The following SORCS3 variants were observed in gnomAD, a reference collection of about 807,000 sequenced individuals.
SORCS3 encodes VPS10 domain-containing receptor SorCS3.
Under a neutral mutation model 146.3 loss-of-function variants are expected in SORCS3, and 57 were observed. That is an observed-to-expected ratio of 0.39 (90% CI 0.31 to 0.49). SORCS3 has a LOEUF of 0.49. Among genes scored for constraint, SORCS3 ranks in the 20% least tolerant of loss-of-function variants. SORCS3 has a pLI of 0.92. For synonymous variants in SORCS3, 653 were observed against 618.5 expected (o/e 1.06, Z -0.83); for missense variants, 1,341 against 1,575.5 (o/e 0.85, Z 2.52).
chr10:104,724,670 C>T (rs1244605317), intron 1 of SORCS3, among the ~76,000 whole-genome samples: 1 of 152,114 alleles, frequency 6.6e-6, no homozygotes, highest in Non-Finnish European at 1.5e-5. Context: ...AGGCTTTGTT[C>T]ATTTCTTTTT....
intron 16 of SORCS3, among the ~76,000 whole-genome samples, chr10:105,209,284 G>A (rs1468126222): frequency 6.6e-6 from 1 of 152,048 alleles, no homozygotes; most frequent in African/African-American, 2.4e-5. Context: ...GGGATTACAA[G>A]CTCCTGCCAC....
In SORCS3 at chr10:104,831,458, A is replaced by G. The variant is rs190613825; in HGVS notation, c.628-11334A>G. The stretch of plus-strand genomic sequence containing the variant: ...AAGTTCCCACAAGGGAGTGCCCCAA[A>G]CGGTACCAAGATAGGGCCAGTTGCG... On this transcript the variant is annotated intron_variant, in intron 1 of 26. Transcript: ENST00000369701. 7.9e-5 allele frequency among the ~76,000 whole-genome samples: 12 copies of G among 152,270 alleles called. No homozygotes were observed. In the East Asian group the frequency reaches 2.1e-3, roughly 27 times the overall value.
chr10:104,767,162 C>T (rs1333534707), intron 1 of SORCS3, among the ~76,000 whole-genome samples: 1 of 152,176 alleles, frequency 6.6e-6, no homozygotes, highest in Non-Finnish European at 1.5e-5. Context: ...TCTTGTTTTC[C>T]CAGCTTAAGT....
At chr10:105,198,772 CT>C (rs1286251782) in intron 14 of SORCS3, among the ~76,000 whole-genome samples, 2 of 152,192 alleles carry the variant, frequency 1.3e-5, no homozygotes, top group Admixed American at 6.5e-5. Flanking sequence ...AGGAGAGATC[CT>C]GTCTCTCTTT....
At chr10:104,913,765 T>TC in intron 2 of SORCS3, among the ~76,000 whole-genome samples, 1 of 136,466 alleles carries the variant, frequency 7.3e-6, no homozygotes, top group Non-Finnish European at 1.5e-5. Context: ...TTATCCCCAT[T>TC]CTTTTTTTTT....
chr10:105,188,380 C>A (rs117717026), intron 14 of SORCS3, among the ~76,000 whole-genome samples: 3 of 152,202 alleles, frequency 2.0e-5, no homozygotes, highest in Non-Finnish European at 4.4e-5. Context: ...GGAGGGGCTG[C>A]ATTTGAGTTT....
intron 3 of SORCS3, among the ~76,000 whole-genome samples, chr10:104,935,130 C>T (rs1467992402): frequency 6.6e-6 from 1 of 152,166 alleles, no homozygotes; most frequent in Non-Finnish European, 1.5e-5. Flanking sequence ...CGGAGCAGTC[C>T]TTTGACCCTT....
chr10:104,800,406 G>A (rs2017611663), intron 1 of SORCS3, among the ~76,000 whole-genome samples: 1 of 152,174 alleles, frequency 6.6e-6, no homozygotes, highest in Non-Finnish European at 1.5e-5. Flanking sequence ...ACAATGGTAA[G>A]TGTCATTATA....
intron 6 of SORCS3, among the ~76,000 whole-genome samples, chr10:105,101,315 G>A (rs763673053): frequency 2.6e-5 from 4 of 152,038 alleles, no homozygotes; most frequent in Non-Finnish European, 2.9e-5. Context: ...GTTCCTCCAC[G>A]ACCCTGAGTC....
At chr10:104,948,531 A>T (rs574189567) in intron 3 of SORCS3, among the ~76,000 whole-genome samples, 1 of 152,316 alleles carries the variant, frequency 6.6e-6, no homozygotes, top group Non-Finnish European at 1.5e-5. Flanking sequence ...ACAGCATTTT[A>T]TGGATACCAG....
At chr10:105,052,820 G>A (rs2055422309) in intron 5 of SORCS3, among the ~76,000 whole-genome samples, 1 of 152,098 alleles carries the variant, frequency 6.6e-6, no homozygotes, top group Non-Finnish European at 1.5e-5. Context: ...TGAAATGCAG[G>A]TTGGATACTT....
intron 5 of SORCS3, among the ~76,000 whole-genome samples, chr10:105,054,601 T>C (rs905844206): frequency 6.6e-6 from 1 of 151,942 alleles, no homozygotes; most frequent in Admixed American, 6.6e-5. Context: ...TGAAATGCAG[T>C]GAACATCTTT....
intron 14 of SORCS3, among the ~76,000 whole-genome samples, chr10:105,193,836 A>G (rs1268702971): frequency 2.0e-5 from 3 of 152,126 alleles, no homozygotes; most frequent in Admixed American, 2.0e-4. Context: ...GCACAGGAAG[A>G]CCACCTGTAA....
chr10:105,054,493 A>G (rs949136106), intron 5 of SORCS3, among the ~76,000 whole-genome samples: 1 of 151,868 alleles, frequency 6.6e-6, no homozygotes, highest in Non-Finnish European at 1.5e-5. Context: ...TCATCTAGTG[A>G]CTATATAACA....
chr10:105,082,574 A>G (rs1016621415), intron 5 of SORCS3, among the ~76,000 whole-genome samples: 1 of 152,178 alleles, frequency 6.6e-6, no homozygotes, highest in African/African-American at 2.4e-5. Context: ...CATTATTTGC[A>G]CACATGTGAT....
chr10:104,847,341 C>T (rs2018217306), intron 2 of SORCS3, among the ~76,000 whole-genome samples: 1 of 152,178 alleles, frequency 6.6e-6, no homozygotes, highest in South Asian at 2.1e-4. Context: ...GTTTCTTGGA[C>T]TCATTTCTGT....
chr10:105,240,952 A>ATC (rs1564792817), intron 20 of SORCS3, among the ~76,000 whole-genome samples: 6 of 124,150 alleles, frequency 4.8e-5, no homozygotes, highest in African/African-American at 1.7e-4. Context: ...AAAAAAATAT[A>ATC]TATATATATA....
chr10:104,984,990 GTGGT>G (rs2054953959), intron 4 of SORCS3, among the ~76,000 whole-genome samples: 1 of 152,104 alleles, frequency 6.6e-6, no homozygotes, highest in African/African-American at 2.4e-5. Flanking sequence ...ACTCCTAAGG[GTGGT>G]GGTTGCTGAA....
At chr10:104,946,983 A>T (rs1275163406) in intron 3 of SORCS3, among the ~76,000 whole-genome samples, 1 of 152,128 alleles carries the variant, frequency 6.6e-6, no homozygotes, top group Admixed American at 6.6e-5. Context: ...CTGAGGTTCA[A>T]CTTACCTCTG....
Sources: allele counts gnomAD v4.1 joint callset (sites outside exome capture counted in the v4.1 genomes callset), GRCh38; gene constraint gnomAD v4.1.1; transcripts MANE v1.5; gene names NCBI Gene and HGNC (gene_info 2026-07-23, HGNC 2026-07-21).